The following EPS15L1 variants were observed in gnomAD, a reference collection of about 807,000 sequenced individuals.
EPS15L1 encodes epidermal growth factor receptor substrate 15-like 1.
EPS15L1 carries 43 observed loss-of-function variants against 117.1 expected under a neutral mutation model. The ratio of observed to expected loss-of-function variants is 0.37; its 90% confidence interval spans 0.29 to 0.47. The LOEUF (loss-of-function observed/expected upper bound fraction) is 0.47. EPS15L1 is among the 20% of genes least tolerant of loss of function. The pLI is 0.99. For synonymous variants in EPS15L1, 459 were observed against 470.5 expected, an observed-to-expected ratio of 0.98 and a Z score of 0.32; for missense variants, 981 against 1,164.0, an observed-to-expected ratio of 0.84 and a Z score of 2.29.
intron 10 of EPS15L1, among the ~76,000 whole-genome samples, chr19:16,418,897 C>G (rs1027596372): frequency 1.3e-5 from 2 of 152,196 alleles, no homozygotes; most frequent in African/African-American, 2.4e-5. Flanking sequence ...CTTCCACCCC[C>G]CAGAGCCGTG....
chr19:16,411,141 CA>C (rs766479239), intron 13 of EPS15L1, among the ~76,000 whole-genome samples: 2 of 152,122 alleles, frequency 1.3e-5, no homozygotes, highest in Non-Finnish European at 2.9e-5. Context: ...AACCTGCAGA[CA>C]AATGTTCCTA....
At chr19:16,439,669 C>T (rs1233012083) in intron 4 of EPS15L1, among the ~76,000 whole-genome samples, 1 of 151,930 alleles carries the variant, frequency 6.6e-6, no homozygotes, top group African/African-American at 2.4e-5. Flanking sequence ...CCAGCCTGGG[C>T]AACAGAGCGA....
chr19:16,358,807 C>T (rs1190074389), intron 23 of EPS15L1, among the ~76,000 whole-genome samples: 2 of 152,174 alleles, frequency 1.3e-5, no homozygotes, highest in Non-Finnish European at 2.9e-5. Context: ...AAATTGTATC[C>T]AACTCCTTCA....
intron 1 of EPS15L1, among the ~76,000 whole-genome samples, chr19:16,442,783 G>A (rs960622810): frequency 6.6e-6 from 1 of 152,220 alleles, no homozygotes; most frequent in African/African-American, 2.4e-5. Context: ...CACCAGGGAA[G>A]GAAGGAAGTG....
chr19:16,422,398 G>A (rs1000783727), intron 9 of EPS15L1, among the ~76,000 whole-genome samples: 7 of 150,496 alleles, frequency 4.7e-5, no homozygotes, highest in Non-Finnish European at 5.9e-5. Flanking sequence ...AACTCTAGAC[G>A]TGCTTTTCCT....
chr19:16,385,178 C>G lies in EPS15L1; in HGVS notation c.2198G>C (p.Gly733Ala). The G allele has an allele frequency of 6.2e-7, 1 of 1,614,136 alleles. No individual in the cohort carries two copies. Among genetic ancestry groups the G allele is most frequent in the African/African-American group, 1.3e-5 (1 of 75,024 alleles). ...PFGTLDPFGS[G>A]SFNSAEGFAD... ...AAAGCCTTCAGCACTATTGAAGGAC[C>G]CACTTCCGAAGGGATCTAAGGTTCC... Residue 733 changes from glycine (G) to alanine (A), a missense_variant, in exon 21 of 24, where the codon GGG (glycine) becomes GCG (alanine). This residue lies in a region of EPS15L1 where 819 missense variants were observed against 949.0 expected (regional missense o/e 0.86). Transcript: ENST00000455140.
chr19:16,422,258 C>A (rs1052831121), intron 9 of EPS15L1, among the ~76,000 whole-genome samples: 1 of 152,206 alleles, frequency 6.6e-6, no homozygotes, highest in Non-Finnish European at 1.5e-5. Flanking sequence ...GGCCCGGTCA[C>A]CTCCTGGTTC....
chr19:16,439,376 A>G (rs887474370), intron 4 of EPS15L1, among the ~76,000 whole-genome samples: 2 of 152,222 alleles, frequency 1.3e-5, no homozygotes, highest in African/African-American at 4.8e-5. Flanking sequence ...TATTTTCCAT[A>G]GGAATTCTCA....
chr19:16,404,051 C>A lies in EPS15L1; in HGVS notation c.1429-121G>T, dbSNP rs2092630093. Reference sequence around the variant, plus strand: ...CTAAGCCAGGGACGCAGACACCTAACCCAGGCCCGACACCTGGCTTCCTTA... The same window carrying A: ...CTAAGCCAGGGACGCAGACACCTAAACCAGGCCCGACACCTGGCTTCCTTA... On this transcript the variant is annotated intron_variant, in intron 14 of 23. Transcript: ENST00000455140. This position sits in a 1 kb window ranked among gnomAD's most constrained non-coding sequence, Gnocchi z 4.2. 1.1e-6 allele frequency: 1 copy of A among 884,198 alleles called. No homozygotes were observed. Among genetic ancestry groups the A allele is most frequent in the Non-Finnish European group, 1.7e-6 (1 of 575,590 alleles). The allele number at this position is 884,198 out of a possible 1,614,324, so 54.8% of individuals were successfully genotyped here. A position where few individuals can be genotyped will look rare whatever the true frequency, so the allele number is the denominator to read the frequency against.
chr19:16,452,868 C>T (rs1303296181), intron 1 of EPS15L1, among the ~76,000 whole-genome samples: 1 of 151,942 alleles, frequency 6.6e-6, no homozygotes, highest in African/African-American at 2.4e-5. Context: ...ACGATCTTGG[C>T]TCACTGCAAG....
At chr19:16,466,759 T>C (rs1296011412) in intron 1 of EPS15L1, among the ~76,000 whole-genome samples, 2 of 151,702 alleles carry the variant, frequency 1.3e-5, no homozygotes, top group Non-Finnish European at 2.9e-5. Context: ...AAAAATTAGC[T>C]GGGTGTGGTA....
intron 13 of EPS15L1, among the ~76,000 whole-genome samples, chr19:16,410,787 C>T (rs2092699515): frequency 6.6e-6 from 1 of 152,066 alleles, no homozygotes; most frequent in Admixed American, 6.6e-5. Context: ...GTGGTGCATG[C>T]CTGTAGTCCC....
intron 1 of EPS15L1, among the ~76,000 whole-genome samples, chr19:16,452,633 GAAA>G (rs58224667): frequency 2.3e-5 from 2 of 87,984 alleles, no homozygotes; most frequent in African/African-American, 3.8e-5. Context: ...AATGTCATCT[GAAA>G]AAAAAAAAAA....
At chr19:16,382,288 A>C (rs915231880) in intron 21 of EPS15L1, among the ~76,000 whole-genome samples, 11 of 152,180 alleles carry the variant, frequency 7.2e-5, no homozygotes, top group Non-Finnish European at 1.3e-4. Flanking sequence ...TCATGACTTC[A>C]AGTTTCCCAA....
chr19:16,471,907 C>A lies in EPS15L1; in HGVS notation c.33+6G>T, dbSNP rs1373154830. 3.1e-6 allele frequency: 4 copies of A among 1,304,508 alleles called. No individual in the cohort carries two copies. In the East Asian group the frequency reaches 9.5e-5, roughly 31 times the overall value. The allele number at this position is 1,304,508 out of a possible 1,614,324, so 80.8% of individuals were successfully genotyped here. ...GGCGCCGCCCCCAGGCCCGCCCGGC[C>A]CGTACCTGCTGGGAGAGGGGGATGA... is the stretch of plus-strand genomic sequence containing the variant. On this transcript the variant is annotated splice_donor_region_variant and intron_variant, in intron 1 of 23. Transcript: ENST00000455140. The surrounding 1 kb of genome is among the most constrained non-coding windows in gnomAD (Gnocchi z 4.8).
chr19:16,405,670 AGT>A lies in EPS15L1; in HGVS notation c.1267-923_1267-922del, dbSNP rs770437894. On this transcript the variant is annotated intron_variant, in intron 13 of 23. Coordinates refer to ENST00000455140, the MANE Select transcript of EPS15L1 (RefSeq NM_001258374.3). This position sits in a 1 kb window ranked among gnomAD's most constrained non-coding sequence, Gnocchi z 4.0. ...GATGGCGCCGTGTGCTTTGCCTTACAGTGGGACATGAGCACACTGCATTTGTG... is the reference window on the plus strand; with the variant it reads ...GATGGCGCCGTGTGCTTTGCCTTACAGGGACATGAGCACACTGCATTTGTG... Among the ~76,000 whole-genome samples, 8 of 152,186 alleles carry A rather than the reference AGT, an allele frequency of 5.3e-5. No individual in the cohort carries two copies. The highest frequency in any genetic ancestry group is 1.0e-4 in the Non-Finnish European group (7 of 68,034).
intron 18 of EPS15L1, among the ~76,000 whole-genome samples, chr19:16,393,603 C>T (rs1195973506): frequency 3.4e-5 from 5 of 148,260 alleles, no homozygotes; most frequent in East Asian, 3.9e-4. Flanking sequence ...GAGCCGAGAT[C>T]GCGCCACTGC....
intron 1 of EPS15L1, among the ~76,000 whole-genome samples, chr19:16,446,180 A>G (rs2093081663): frequency 1.3e-5 from 2 of 152,132 alleles, no homozygotes; most frequent in African/African-American, 2.4e-5. Flanking sequence ...TGTAACTGTA[A>G]CCCAGGACAA....
At position 16,389,868 on chromosome 19, in the gene EPS15L1, C is replaced by T. The variant is rs191131064; in HGVS notation, c.2103+2436G>A. 6.4e-4 allele frequency among the ~76,000 whole-genome samples: 97 copies of T among 152,130 alleles called. 1 individual carries two copies. In the Middle Eastern group the frequency reaches 0.014, roughly 21 times the overall value. ...AAGCTGTACATGATATTTCCTAAAG[C>T]AACCTCTAAACAATCATTAAAAGAG... On this transcript the variant is annotated intron_variant, in intron 19 of 23. Transcript: ENST00000455140.
Sources: gnomAD v4.1 joint callset for allele counts (sites outside exome capture counted in the v4.1 genomes callset) on GRCh38, gnomAD v4.1.1 for gene constraint, gnomAD v4.1.1 regional missense constraint, Gnocchi (gnomAD v3.1) non-coding constraint, MANE v1.5 for transcripts, NCBI Gene and HGNC (gene_info 2026-07-23, HGNC 2026-07-21) for gene names.